Variants in AKAP6 observed in about 807,000 individuals in gnomAD.
AKAP6 encodes A-kinase anchoring protein 6.
A neutral mutation model predicts 188.5 loss-of-function variants in AKAP6; 58 were observed. The ratio of observed to expected loss-of-function variants is 0.31; its 90% CI spans 0.25 to 0.38. The LOEUF (loss-of-function observed/expected upper bound fraction) is 0.38. Ranked by LOEUF, AKAP6 falls within the 10% of genes least tolerant of loss-of-function variation. The probability of loss-of-function intolerance (pLI) is 1.00; values close to 1 mark genes in which losing one functional copy is unlikely to be tolerated. For missense variants in AKAP6, 2,710 were observed against 2,740.0 expected (o/e 0.99, Z 0.24); for synonymous variants, 989 against 998.6 (o/e 0.99, Z 0.18).
chr14:32,375,034 T>C (rs1888116890), intron 1 of AKAP6, among the ~76,000 whole-genome samples: 1 of 152,170 alleles, frequency 6.6e-6, no homozygotes, highest in African/African-American at 2.4e-5. Context: ...TAGAAACCTA[T>C]TTCATAAATC....
intron 12 of AKAP6, among the ~76,000 whole-genome samples, chr14:32,806,636 C>T (rs1026980250): frequency 1.3e-5 from 2 of 151,976 alleles, no homozygotes; most frequent in African/African-American, 2.4e-5. Context: ...AAGATTGCAC[C>T]ACTACACTCC....
chr14:32,510,438 G>GTGTATATATATATACACATATATATGTA (rs1566546723), intron 2 of AKAP6, among the ~76,000 whole-genome samples: 1,140 of 84,414 alleles, frequency 0.014, 58 homozygotes, highest in African/African-American at 0.049. Flanking sequence ...ATATATATGT[G>GTGTATATATATATACACATATATATGTA]TATATATATA....
intron 1 of AKAP6, among the ~76,000 whole-genome samples, chr14:32,361,160 T>TAGGATGAGGGGAATGCGG (rs1243622078): frequency 2.0e-4 from 30 of 151,594 alleles, no homozygotes; most frequent in Non-Finnish European, 3.7e-4. Context: ...ATAAATGGCA[T>TAGGATGAGGGGAATGCGG]AGGATGAGGG....
At position 32,821,656 on chromosome 14, in the gene AKAP6, T is replaced by C; in HGVS notation, c.3843T>C (p.Ser1281=). 1.2e-6 allele frequency: 2 copies of C among 1,613,770 alleles called. No homozygotes were observed. The highest frequency in any genetic ancestry group is 2.2e-5 in the South Asian group (2 of 91,070). Residue 1281 remains serine (S), a synonymous_variant, in exon 13 of 14, where the codon TCT becomes TCC. Coordinates refer to ENST00000280979, the MANE Select transcript of AKAP6 (RefSeq NM_004274.5). ...SQYASNITAP[S]SPHIYQVYSL... ...ATGCCTCAAATATTACTGCCCCCTCTAGTCCACACATTTACCAGGTGTACA... is the reference window on the plus strand; with the variant it reads ...ATGCCTCAAATATTACTGCCCCCTCCAGTCCACACATTTACCAGGTGTACA...
Position 32,643,361 on chromosome 14 carries a change from G to T in AKAP6, c.2731-34950G>T, listed in dbSNP as rs145570364. Among the ~76,000 whole-genome samples the T allele has an allele frequency of 5.5e-3, 833 of 151,816 alleles. 11 individuals are homozygous for T. Among genetic ancestry groups the T allele is most frequent in the African/African-American group, 0.019 (770 of 41,372 alleles). On this transcript the variant is annotated intron_variant, in intron 7 of 13. Coordinates refer to ENST00000280979, the MANE Select transcript of AKAP6 (RefSeq NM_004274.5). ...CTCACTCTGTCACCCAGGCTGGAGT[G>T]CAGTGGCATGATCTCGGCTCACTGC...
intron 1 of AKAP6, among the ~76,000 whole-genome samples, chr14:32,350,287 A>T (rs1887221781): frequency 6.6e-6 from 1 of 152,210 alleles, no homozygotes; most frequent in Non-Finnish European, 1.5e-5. Flanking sequence ...CCCTAATGTG[A>T]TGTGGTGAGA....
rs576657716 is a variant in AKAP6 at position 32,813,316 on chromosome 14, G to A, written c.3589-8086G>A. 7.0e-4 allele frequency among the ~76,000 whole-genome samples: 106 copies of A among 151,908 alleles called. No individual in the cohort carries two copies. In the Middle Eastern group the frequency reaches 0.01, roughly 15 times the overall value. ...TACCTTACCCACCTAGCATCTCCAG[G>A]TGTTCTGCAACCTAGAAGTTCATCA... On this transcript the variant is annotated intron_variant, in intron 12 of 13. Transcript: ENST00000280979.
At chr14:32,778,753 C>A (rs11624519) in intron 12 of AKAP6, among the ~76,000 whole-genome samples, 47,613 of 143,282 alleles carry the variant, frequency 0.33, 8,863 homozygotes, top group South Asian at 0.41. Context: ...CGCTATGTTG[C>A]GCAGGCTAGT....
chr14:32,455,777 T>C (rs182081003), intron 2 of AKAP6, among the ~76,000 whole-genome samples: 1,585 of 152,332 alleles, frequency 0.01, 17 homozygotes, highest in Non-Finnish European at 0.017. Flanking sequence ...CTCTGATCTG[T>C]TTTTATCAGT....
chr14:32,586,869 G>T (rs1360827449), intron 5 of AKAP6, among the ~76,000 whole-genome samples: 2 of 152,026 alleles, frequency 1.3e-5, no homozygotes, highest in African/African-American at 4.8e-5. Flanking sequence ...CATCATGTTG[G>T]GTACTATAAG....
At chr14:32,547,475 AT>A (rs1355083840) in intron 4 of AKAP6, among the ~76,000 whole-genome samples, 2 of 152,114 alleles carry the variant, frequency 1.3e-5, no homozygotes, top group African/African-American at 4.8e-5. Flanking sequence ...TTTATTAGGG[AT>A]CTTTTTTTTC....
At chr14:32,443,898 G>A (rs1412445032) in intron 2 of AKAP6, among the ~76,000 whole-genome samples, 2 of 152,094 alleles carry the variant, frequency 1.3e-5, no homozygotes, top group East Asian at 3.9e-4. Flanking sequence ...GCCTTATGTG[G>A]CTATTTTACA....
chr14:32,507,296 C>A (rs937410705), intron 2 of AKAP6, among the ~76,000 whole-genome samples: 9 of 152,282 alleles, frequency 5.9e-5, no homozygotes, highest in Non-Finnish European at 8.8e-5. Context: ...GTAGTAATCA[C>A]TAGGATAAGT....
intron 2 of AKAP6, among the ~76,000 whole-genome samples, chr14:32,534,667 T>C (rs1022869511): frequency 1.3e-5 from 2 of 152,078 alleles, no homozygotes; most frequent in Non-Finnish European, 2.9e-5. Context: ...AAAATTTCGA[T>C]ATCCACTGTG....
In AKAP6 at chr14:32,821,825, G is replaced by T; in HGVS notation, c.4012G>T (p.Asp1338Tyr). The change falls in exon 13 of 14, where the codon GAT becomes TAT. Residue 1338 changes from aspartate to tyrosine, a missense_variant. By Grantham distance (160) the Asp-to-Tyr change is radical. This residue lies in a region of AKAP6 where 2,473 missense variants were observed against 2,426.1 expected (regional missense o/e 1.02). Transcript: ENST00000280979. ...ATTTTCATCTACCAAATCTTTGCCA[G>T]ATCTTCTAGGTGGTTCCAATTTGGT... is the stretch of plus-strand genomic sequence containing the variant. Reference protein sequence around the residue: ...SSFSSTKSLPDLLGGSNLVKP... With the variant: ...SSFSSTKSLPYLLGGSNLVKP... 6.2e-7 allele frequency: 1 copy of T among 1,613,870 alleles called. No homozygotes were observed. The highest frequency in any genetic ancestry group is 1.1e-5 in the South Asian group (1 of 91,076).
At chr14:32,343,877 A>G (rs763251572) in intron 1 of AKAP6, among the ~76,000 whole-genome samples, 5 of 151,574 alleles carry the variant, frequency 3.3e-5, no homozygotes, top group Non-Finnish European at 7.4e-5. Context: ...TCTTCTTACA[A>G]CCTTTGCCTT....
At chr14:32,598,135 T>C (rs1436502918) in intron 5 of AKAP6, among the ~76,000 whole-genome samples, 1 of 152,214 alleles carries the variant, frequency 6.6e-6, no homozygotes, top group East Asian at 1.9e-4. Flanking sequence ...CAATTTATGA[T>C]TGATTTACTT....
rs114528502 is a variant in AKAP6 at position 32,416,232 on chromosome 14, A to T, written c.-34-17228A>T. Among the ~76,000 whole-genome samples the T allele has an allele frequency of 4.4e-3, 665 of 152,218 alleles. 8 individuals carry two copies. Among genetic ancestry groups the T allele is most frequent in the African/African-American group, 0.015 (617 of 41,538 alleles). ...ATTATTTTCTGTTTGTGTGTTTTTG[A>T]TAGTACCCATACCAGTCAGTATGAG... is the stretch of plus-strand genomic sequence containing the variant. On this transcript the variant is annotated intron_variant, in intron 1 of 13. Transcript: ENST00000280979.
chr14:32,567,523 G>A (rs1198419877), intron 4 of AKAP6, among the ~76,000 whole-genome samples: 2 of 151,998 alleles, frequency 1.3e-5, no homozygotes, highest in Non-Finnish European at 1.5e-5. Flanking sequence ...CTCTTCACAT[G>A]GAATTCCAAT....
Sources: gnomAD v4.1 joint callset for allele counts (sites outside exome capture counted in the v4.1 genomes callset) on GRCh38, gnomAD v4.1.1 for gene constraint, gnomAD v4.1.1 regional missense constraint, MANE v1.5 for transcripts, NCBI Gene and HGNC (gene_info 2026-07-23, HGNC 2026-07-21) for gene names.